Variants in SV2B observed in about 807,000 individuals in gnomAD.
SV2B encodes the protein synaptic vesicle glycoprotein 2B.
SV2B carries 41 observed loss-of-function variants against 73.9 expected under a neutral mutation model. That is an observed-to-expected ratio of 0.56 (90% CI 0.43 to 0.72). SV2B has a LOEUF of 0.72. SV2B is among the 30% of genes least tolerant of loss of function. SV2B has a pLI of 0.00. For missense variants in SV2B, 764 were observed against 857.8 expected, an observed-to-expected ratio of 0.89 and a Z score of 1.37; for synonymous variants, 314 against 314.2, an observed-to-expected ratio of 1.00 and a Z score of 0.01.
chr15:91,274,989 A>AT (rs962977329), intron 9 of SV2B, among the ~76,000 whole-genome samples: 12 of 151,806 alleles, frequency 7.9e-5, no homozygotes, highest in East Asian at 1.9e-4. Flanking sequence ...AACTTTTTCC[A>AT]TTTTTTTGCT....
chr15:91,161,376 T>C (rs1402692144), intron 1 of SV2B, among the ~76,000 whole-genome samples: 3 of 152,198 alleles, frequency 2.0e-5, no homozygotes, highest in Non-Finnish European at 4.4e-5. Context: ...GGGTGGCATA[T>C]TGAAACATTT....
chr15:91,268,178 T>C lies in SV2B; in HGVS notation c.1209-263T>C, dbSNP rs1436512991. 6.6e-6 allele frequency among the ~76,000 whole-genome samples: 1 copy of C among 152,188 alleles called. No homozygotes were observed. The highest frequency in any genetic ancestry group is 2.4e-5 in the African/African-American group (1 of 41,440). On this transcript the variant is annotated intron_variant, in intron 8 of 12. Coordinates refer to ENST00000394232, the MANE Select transcript of SV2B (RefSeq NM_001323032.3). This position sits in a 1 kb window ranked among gnomAD's most constrained non-coding sequence, Gnocchi z 4.4. ...ATGTATATTTTACATGTTAAGGAGG[T>C]GTCCCTCAACCCCTAATCTATTGGT...
In SV2B at chr15:91,100,447, T is replaced by A. The variant is rs1229101465; in HGVS notation, c.-392+84T>A. On this transcript the variant is annotated intron_variant, in intron 1 of 12. Transcript: ENST00000394232. This position sits in a 1 kb window ranked among gnomAD's most constrained non-coding sequence, Gnocchi z 6.4. Reference sequence around the variant, plus strand: ...GTGCGCCAGGGCTCCCAGACTCGCCTGCCTGGGCTGAAATATACACGCTCG... The same window carrying A: ...GTGCGCCAGGGCTCCCAGACTCGCCAGCCTGGGCTGAAATATACACGCTCG... 2 of 152,358 alleles carry A rather than the reference T, an allele frequency of 1.3e-5. No homozygotes were observed. Among genetic ancestry groups the A allele is most frequent in the Non-Finnish European group, 2.9e-5 (2 of 68,130 alleles). The allele number at this position is 152,358 out of a possible 1,614,324, so 9.4% of individuals were successfully genotyped here.
intron 9 of SV2B, among the ~76,000 whole-genome samples, chr15:91,274,008 A>G (rs916558794): frequency 2.0e-5 from 3 of 152,094 alleles, no homozygotes; most frequent in Admixed American, 6.5e-5. Context: ...TTTGTGTAAA[A>G]TTATGATTTT....
intron 1 of SV2B, among the ~76,000 whole-genome samples, chr15:91,193,555 G>A (rs1052075569): frequency 1.3e-5 from 2 of 152,140 alleles, no homozygotes; most frequent in Non-Finnish European, 2.9e-5. Flanking sequence ...CTCAGAGTGG[G>A]CCCCCACCAT....
chr15:91,178,789 CT>C (rs1303035266), intron 1 of SV2B, among the ~76,000 whole-genome samples: 2 of 146,958 alleles, frequency 1.4e-5, no homozygotes, highest in Non-Finnish European at 3.0e-5. Context: ...CTCTTTTTTT[CT>C]TTATTAGTCT....
At chr15:91,145,316 G>T (rs2043115790) in intron 1 of SV2B, among the ~76,000 whole-genome samples, 1 of 152,176 alleles carries the variant, frequency 6.6e-6, no homozygotes, top group Non-Finnish European at 1.5e-5. Flanking sequence ...AAAAGGATAT[G>T]ACCCCATTCT....
At chr15:91,163,637 T>G (rs993569223) in intron 1 of SV2B, among the ~76,000 whole-genome samples, 1 of 152,224 alleles carries the variant, frequency 6.6e-6, no homozygotes, top group Non-Finnish European at 1.5e-5. Flanking sequence ...TAAATTTGTT[T>G]AAGTTCTTTG....
At chr15:91,196,877 A>G (rs1183277596) in intron 1 of SV2B, among the ~76,000 whole-genome samples, 2 of 152,184 alleles carry the variant, frequency 1.3e-5, no homozygotes, top group African/African-American at 4.8e-5. Context: ...GGTTCTCGCC[A>G]AGCAGGGAGA....
intron 1 of SV2B, among the ~76,000 whole-genome samples, chr15:91,174,330 G>A (rs2044227244): frequency 6.6e-6 from 1 of 152,158 alleles, no homozygotes; most frequent in South Asian, 2.1e-4. Flanking sequence ...CATTGGGGTT[G>A]GTAATTAGAC....
intron 1 of SV2B, among the ~76,000 whole-genome samples, chr15:91,195,797 A>G (rs1175481189): frequency 6.6e-6 from 1 of 152,182 alleles, no homozygotes; most frequent in East Asian, 1.9e-4. Context: ...GCAAAAGTAC[A>G]GCTAACATAG....
At chr15:91,256,523 G>C (rs556529497) in intron 4 of SV2B, among the ~76,000 whole-genome samples, 2 of 152,348 alleles carry the variant, frequency 1.3e-5, no homozygotes, top group South Asian at 2.1e-4. Context: ...AATGATGCCA[G>C]AGTAGTTTTT....
In SV2B at chr15:91,130,882, A is replaced by G. The variant is rs1275287984; in HGVS notation, c.-392+30519A>G. Among the ~76,000 whole-genome samples, 1 of 152,152 alleles carries G rather than the reference A, an allele frequency of 6.6e-6. No individual in the cohort carries two copies. The highest frequency in any genetic ancestry group is 1.5e-5 in the Non-Finnish European group (1 of 68,024). On this transcript the variant is annotated intron_variant, in intron 1 of 12. Coordinates refer to ENST00000394232, the MANE Select transcript of SV2B (RefSeq NM_001323032.3). This position sits in a 1 kb window ranked among gnomAD's most constrained non-coding sequence, Gnocchi z 5.6. ...TTTTAGTATTTTTACAGGGTAAAAA[A>G]TGAGAGTGTGAGGAGAAGGAACTTG...
rs1050878504 is a variant in SV2B, at chr15:91,297,649, C to A, written c.*5097C>A. 4 of 152,194 alleles carry A rather than the reference C, an allele frequency of 2.6e-5. No homozygotes were observed. The highest frequency in any genetic ancestry group is 9.7e-5 in the African/African-American group (4 of 41,442). 9.4% of individuals were successfully genotyped at this position (152,194 alleles called of 1,614,324 possible). On this transcript the variant is annotated 3_prime_UTR_variant, in exon 13 of 13. Transcript: ENST00000394232. The surrounding 1 kb of genome is among the most constrained non-coding windows in gnomAD (Gnocchi z 5.1). ...TCCAATAGGTGGTACTTTGACTTGT[C>A]AGGGAAGTTCTATTGCTCTGATAAC...
Position 91,292,791 on chromosome 15 carries a change from C to T in SV2B, c.*239C>T, listed in dbSNP as rs550000433. On this transcript the variant is annotated 3_prime_UTR_variant, in exon 13 of 13. Coordinates refer to ENST00000394232, the MANE Select transcript of SV2B (RefSeq NM_001323032.3). ...CAGAGCTGCGTGTTTAACTTCAAGT[C>T]TTCCCAGTCCAAGGCAGGGAGAGGA... The T allele has an allele frequency of 2.6e-5, 11 of 426,712 alleles. No individual in the cohort carries two copies. The highest frequency in any genetic ancestry group is 2.2e-4 in the African/African-American group (11 of 49,630). The allele number at this position is 426,712 out of a possible 1,614,324, so 26.4% of individuals were successfully genotyped here. A position where few individuals can be genotyped will look rare whatever the true frequency, so the allele number is the denominator to read the frequency against.
intron 1 of SV2B, among the ~76,000 whole-genome samples, chr15:91,161,511 T>G (rs551534514): frequency 1.3e-5 from 2 of 152,306 alleles, no homozygotes; most frequent in South Asian, 4.1e-4. Flanking sequence ...TGCAAGTAAA[T>G]AAAATGAATG....
rs779459800 is a variant in SV2B at position 91,197,449 on chromosome 15, C to T, written c.-391-28424C>T. Reference sequence around the variant, plus strand: ...ATGTTGGTCAGGCTGGTCTCAAACTCCCGACTTCAGGTCATCCACCTGCCT... The same window carrying T: ...ATGTTGGTCAGGCTGGTCTCAAACTTCCGACTTCAGGTCATCCACCTGCCT... On this transcript the variant is annotated intron_variant, in intron 1 of 12. Coordinates refer to ENST00000394232, the MANE Select transcript of SV2B (RefSeq NM_001323032.3). The surrounding 1 kb of genome is among the most constrained non-coding windows in gnomAD (Gnocchi z 4.9). Among the ~76,000 whole-genome samples, 1 of 151,756 alleles carries T rather than the reference C, an allele frequency of 6.6e-6. No individual in the cohort carries two copies. The highest frequency in any genetic ancestry group is 2.4e-5 in the African/African-American group (1 of 41,334).
At chr15:91,187,658 TTG>T (rs1437875429) in intron 1 of SV2B, among the ~76,000 whole-genome samples, 2 of 130,872 alleles carry the variant, frequency 1.5e-5, no homozygotes, top group Non-Finnish European at 3.3e-5. Context: ...ATTTTATGTT[TTG>T]TTTTTTTTTT....
chr15:91,145,095 C>T (rs1596473138), intron 1 of SV2B, among the ~76,000 whole-genome samples: 1 of 152,000 alleles, frequency 6.6e-6, no homozygotes, highest in South Asian at 2.1e-4. Flanking sequence ...GGTTATTGAG[C>T]CTAGTACCCA....
Sources: allele counts gnomAD v4.1 joint callset (sites outside exome capture counted in the v4.1 genomes callset), GRCh38; gene constraint gnomAD v4.1.1; non-coding constraint Gnocchi (gnomAD v3.1); transcripts MANE v1.5; gene names NCBI Gene and HGNC (gene_info 2026-07-23, HGNC 2026-07-21).